SASH1: variants seen among roughly 807,000 people sequenced by gnomAD.
SASH1 encodes SAM and SH3 domain containing 1.
In SASH1, 44 loss-of-function variants were observed where a neutral mutation model predicts 125.2. That is an observed-to-expected ratio of 0.35 (90% CI 0.28 to 0.45). The LOEUF (loss-of-function observed/expected upper bound fraction) is 0.45, where lower values mean the gene tolerates loss of function less well. Ranked by LOEUF, SASH1 falls within the 20% of genes least tolerant of loss-of-function variation. The pLI, the probability that SASH1 is intolerant of heterozygous loss-of-function variation, is 1.00. For synonymous variants in SASH1, 639 were observed against 649.1 expected, an observed-to-expected ratio of 0.98 and a Z score of 0.24; for missense variants, 1,426 against 1,614.5, an observed-to-expected ratio of 0.88 and a Z score of 2.00.
intron 1 of SASH1, among the ~76,000 whole-genome samples, chr6:148,368,878 A>T (rs2114738347): frequency 6.6e-6 from 1 of 152,184 alleles, no homozygotes; most frequent in South Asian, 2.1e-4. Flanking sequence ...AATAGAAGGC[A>T]TTTAGCTTGT....
the SASH1 span, among the ~76,000 whole-genome samples, chr6:148,217,612 GGCCTGTATCCCTCAGGAAACA>G: frequency 6.6e-6 from 1 of 152,038 alleles, no homozygotes; most frequent in African/African-American, 2.4e-5. Flanking sequence ...GTCTGTGGTG[GGCCTGTATCCCTCAGGAAACA>G]GCCAGGGCAG....
chr6:148,408,239 C>A (rs1784459305), intron 2 of SASH1, among the ~76,000 whole-genome samples: 1 of 149,304 alleles, frequency 6.7e-6, no homozygotes, highest in African/African-American at 2.5e-5. Flanking sequence ...TCCCAAGTAG[C>A]AGGGACTACA....
chr6:148,351,778 A>G (rs543766047), intron 1 of SASH1, among the ~76,000 whole-genome samples: 1 of 149,836 alleles, frequency 6.7e-6, no homozygotes, highest in African/African-American at 2.5e-5. Flanking sequence ...GTCAGCCAAC[A>G]ATTGTTTTTA....
At chr6:148,349,917 C>T (rs1304233710) in intron 1 of SASH1, among the ~76,000 whole-genome samples, 3 of 151,380 alleles carry the variant, frequency 2.0e-5, no homozygotes, top group Admixed American at 2.0e-4. Flanking sequence ...GTGATCTCGA[C>T]TCGCTGCAAG....
Position 148,440,398 on chromosome 6 carries a change from T to G in SASH1, c.377T>G (p.Val126Gly), listed in dbSNP as rs780552707. 1 of 1,613,996 alleles carries G rather than the reference T, an allele frequency of 6.2e-7. No homozygotes were observed. The highest frequency in any genetic ancestry group is 1.1e-5 in the South Asian group (1 of 91,070). The change falls in exon 4 of 20, where the codon GTG becomes GGG. Residue 126 changes from valine to glycine, a missense_variant. By Grantham distance (109) the Val-to-Gly change is moderately radical (BLOSUM62 -3). Coordinates refer to ENST00000367467, the MANE Select transcript of SASH1 (RefSeq NM_015278.5). ...GFCSAVSTPE[V>G]ERKNPLHKSN... ...TGTAGCGCCGTGTCAACCCCAGAAG[T>G]GGAAAGAAAGTAAGTCTTTCTCCCT...
At chr6:148,471,637 G>A in intron 6 of SASH1, 134 bp downstream of exon 6, 1 of 619,962 alleles carries the variant, frequency 1.6e-6, no homozygotes, top group African/African-American at 2.0e-5. Flanking sequence ...CAACTTTTCT[G>A]ACATTTCTGT....
rs556871261 is a variant in SASH1, at chr6:148,392,234, C to T, written c.285+1972C>T. ...CTGGGAGGCGGAGGTTGTGGTGAGC[C>T]GAGATCGCGCCATTGCACTCCAGCC... On this transcript the variant is annotated intron_variant, in intron 2 of 19. Transcript: ENST00000367467. 4.9e-4 allele frequency among the ~76,000 whole-genome samples: 73 copies of T among 149,628 alleles called. No homozygotes were observed. The Middle Eastern group carries it at 0.01, about 21-fold the overall frequency.
chr6:148,474,816 C>G (rs1459759392), intron 7 of SASH1, among the ~76,000 whole-genome samples: 1 of 152,150 alleles, frequency 6.6e-6, no homozygotes, highest in Admixed American at 6.6e-5. Flanking sequence ...AAGTGATCCT[C>G]TCACCTCGGC....
chr6:148,400,150 A>T (rs1293726513), intron 2 of SASH1, among the ~76,000 whole-genome samples: 1 of 152,212 alleles, frequency 6.6e-6, no homozygotes, highest in Non-Finnish European at 1.5e-5. Flanking sequence ...AGCTGGATCT[A>T]TGTCATTTAG....
At chr6:148,247,697 T>C in the SASH1 span, among the ~76,000 whole-genome samples, 37,927 of 152,216 alleles carry the variant, frequency 0.25, 5,205 homozygotes, top group South Asian at 0.31. Flanking sequence ...TAAACCTTTA[T>C]GAGTAAAAAT....
At chr6:148,535,318 G>T (rs1421955367) in intron 16 of SASH1, among the ~76,000 whole-genome samples, 5 of 152,198 alleles carry the variant, frequency 3.3e-5, no homozygotes, top group Non-Finnish European at 7.3e-5. Context: ...CCAAAAAAAT[G>T]GGTAGACTCC....
At chr6:148,366,209 G>A (rs1307860651) in intron 1 of SASH1, among the ~76,000 whole-genome samples, 1 of 152,132 alleles carries the variant, frequency 6.6e-6, no homozygotes. Flanking sequence ...GCTTGAGCCT[G>A]GGACATTGTG....
In SASH1 at chr6:148,307,031, T is replaced by C. The variant is rs1192272237; in HGVS notation, n.74+34654T>C. 4.5e-5 allele frequency among the ~76,000 whole-genome samples: 2 copies of C among 44,058 alleles called. 1 individual carries two copies. Among genetic ancestry groups the C allele is most frequent in the African/African-American group, 2.5e-4 (2 of 8,076 alleles). The allele number at this position is 44,058 out of a possible 152,430, so 28.9% of individuals were successfully genotyped here. A position where few individuals can be genotyped will look rare whatever the true frequency, so the allele number is the denominator to read the frequency against. On this transcript the variant is annotated intron_variant and non_coding_transcript_variant, in intron 1 of 3. Transcript: ENST00000367469. The stretch of plus-strand genomic sequence containing the variant: ...AACCTACCTTTCTCTTTCTTTTCTT[T>C]CTTTCTTTCTTTCTTTCTTTCTTTC...
chr6:148,279,243 G>A (rs1025899674), intron 1 of SASH1, among the ~76,000 whole-genome samples: 6 of 151,996 alleles, frequency 3.9e-5, no homozygotes, highest in Non-Finnish European at 5.9e-5. Context: ...CGCCTACCTC[G>A]GCCCCCAAAA....
the SASH1 span, among the ~76,000 whole-genome samples, chr6:148,199,515 T>A: frequency 6.6e-6 from 1 of 152,098 alleles, no homozygotes; most frequent in Non-Finnish European, 1.5e-5. Context: ...CTGAGCAATA[T>A]AGTGAGACCC....
chr6:148,433,468 G>T (rs1185748367), intron 2 of SASH1, among the ~76,000 whole-genome samples: 1 of 146,870 alleles, frequency 6.8e-6, no homozygotes, highest in South Asian at 2.1e-4. Context: ...GTGCAGTGGC[G>T]TGATCTCTGC....
chr6:148,303,202 A>G lies in SASH1; in HGVS notation n.74+30825A>G, dbSNP rs1237017429. On this transcript the variant is annotated intron_variant and non_coding_transcript_variant, in intron 1 of 3. Transcript: ENST00000367469. ...ACCATGTTGGTCAGGCTGGTCTCAA[A>G]CTCCTGACCTCAGGTGATCCACCCA... Among the ~76,000 whole-genome samples the G allele has an allele frequency of 3.3e-5, 5 of 151,390 alleles. No individual in the cohort carries two copies. The East Asian group carries it at 9.7e-4, about 29-fold the overall frequency.
At chr6:148,319,628 C>T (rs983443057) in intron 1 of SASH1, among the ~76,000 whole-genome samples, 2 of 152,088 alleles carry the variant, frequency 1.3e-5, no homozygotes, top group African/African-American at 4.8e-5. Flanking sequence ...CAATTCCCAG[C>T]CTCAGGCTCC....
In SASH1 at chr6:148,274,587, G is replaced by A. The variant is rs115182918; in HGVS notation, n.74+2210G>A. On this transcript the variant is annotated intron_variant and non_coding_transcript_variant, in intron 1 of 3. Transcript: ENST00000367469. ...ATGTATTGATCAACTCAGACAGAAA[G>A]GGGAATTATCAGCCTTAGGAATATC... is the stretch of plus-strand genomic sequence containing the variant. 4.7e-3 allele frequency among the ~76,000 whole-genome samples: 709 copies of A among 152,302 alleles called. 7 individuals are homozygous for A. Among genetic ancestry groups the A allele is most frequent in the African/African-American group, 0.016 (670 of 41,566 alleles).
Sources: allele counts gnomAD v4.1 joint callset (sites outside exome capture counted in the v4.1 genomes callset), GRCh38; gene constraint gnomAD v4.1.1; transcripts MANE v1.5; gene names NCBI Gene and HGNC (gene_info 2026-07-23, HGNC 2026-07-21).